The following CLTCL1 variants were observed in gnomAD, a reference collection of about 807,000 sequenced individuals.
CLTCL1 encodes clathrin heavy chain 2.
In CLTCL1, 159 loss-of-function variants were observed where a neutral mutation model predicts 190.0. The observed-to-expected ratio is 0.84, with a 90% CI of 0.74 to 0.95. The LOEUF (loss-of-function observed/expected upper bound fraction) is 0.95, where lower values mean the gene tolerates loss of function less well. Among genes scored for constraint, CLTCL1 ranks in the 40% least tolerant of loss-of-function variants. The pLI is 0.00. For missense variants in CLTCL1, 1,878 were observed against 2,033.4 expected (o/e 0.92, Z 1.47); for synonymous variants, 752 against 769.6 (o/e 0.98, Z 0.38).
At chr22:19,238,546 C>T in intron 5 of CLTCL1, 1 of 217,806 alleles carries the variant, frequency 4.6e-6, no homozygotes, top group East Asian at 1.1e-4. Context: ...GGAACCACCA[C>T]AGGCCCTGCT....
intron 5 of CLTCL1, among the ~76,000 whole-genome samples, chr22:19,236,887 G>A (rs1278363081): frequency 6.6e-6 from 1 of 152,102 alleles, no homozygotes; most frequent in Non-Finnish European, 1.5e-5. Flanking sequence ...GGAGATGGAG[G>A]TAAGAGTAAA....
chr22:19,256,850 G>A (rs993580285), intron 2 of CLTCL1, among the ~76,000 whole-genome samples: 2 of 151,974 alleles, frequency 1.3e-5, no homozygotes, highest in East Asian at 1.9e-4. Flanking sequence ...TAATGAATAT[G>A]GAAATGCAGA....
At chr22:19,200,468 G>A (rs2084847358) in intron 23 of CLTCL1, among the ~76,000 whole-genome samples, 1 of 152,110 alleles carries the variant, frequency 6.6e-6, no homozygotes, top group Admixed American at 6.6e-5. Flanking sequence ...TATATTCCTC[G>A]CATAATATTG....
intron 18 of CLTCL1, among the ~76,000 whole-genome samples, chr22:19,216,759 C>G (rs897547866): frequency 6.6e-6 from 1 of 152,236 alleles, no homozygotes; most frequent in African/African-American, 2.4e-5. Flanking sequence ...GCCACCCCTC[C>G]TCCAATTATA....
At chr22:19,276,479 C>T (rs1555983424) in intron 1 of CLTCL1, among the ~76,000 whole-genome samples, 1 of 152,090 alleles carries the variant, frequency 6.6e-6, no homozygotes, top group South Asian at 2.1e-4. Context: ...AAGCACCTTT[C>T]TCCAAAGGCC....
intron 29 of CLTCL1, among the ~76,000 whole-genome samples, chr22:19,185,977 G>A (rs539231073): frequency 2.0e-5 from 3 of 152,320 alleles, no homozygotes; most frequent in Admixed American, 2.0e-4. Flanking sequence ...GGGCACCTCA[G>A]GAAGGATCAC....
At chr22:19,241,407 A>C (rs929843314) in intron 4 of CLTCL1, among the ~76,000 whole-genome samples, 8 of 152,196 alleles carry the variant, frequency 5.3e-5, no homozygotes, top group Admixed American at 2.0e-4. Flanking sequence ...AACTAAAGTC[A>C]GTGTCCTTCA....
chr22:19,235,502 A>C (rs1274687062), intron 6 of CLTCL1, among the ~76,000 whole-genome samples, 194 bp downstream of exon 6: 1 of 152,208 alleles, frequency 6.6e-6, no homozygotes, highest in Non-Finnish European at 1.5e-5. Flanking sequence ...CTCCTCCTGG[A>C]ATCAATCCTG....
rs1194266137 is a variant in CLTCL1 at position 19,245,186 on chromosome 22, C to CTTT, written c.520-2253_520-2251dup. 5.3e-3 allele frequency among the ~76,000 whole-genome samples: 626 copies of CTTT among 118,806 alleles called. 16 individuals are homozygous for CTTT. The highest frequency in any genetic ancestry group is 0.012 in the African/African-American group (391 of 31,842). The allele number at this position is 118,806 out of a possible 152,430, so 77.9% of individuals were successfully genotyped here. ...GGCCCCATGTTCCCCTCTCCCCCTCCTTTTTTTTTTTTTTTTTTTTTTTGA... is the reference window on the plus strand; with the variant it reads ...GGCCCCATGTTCCCCTCTCCCCCTCCTTTTTTTTTTTTTTTTTTTTTTTTTTGA... On this transcript the variant is annotated intron_variant, in intron 3 of 32. Coordinates refer to ENST00000427926, the MANE Select transcript of CLTCL1 (RefSeq NM_007098.4).
intron 22 of CLTCL1, among the ~76,000 whole-genome samples, chr22:19,205,639 T>C (rs192181464): frequency 6.6e-6 from 1 of 152,330 alleles, no homozygotes; most frequent in East Asian, 1.9e-4. Context: ...TTGGGATAGA[T>C]TTTTACATCT....
intron 27 of CLTCL1, among the ~76,000 whole-genome samples, chr22:19,188,559 G>A (rs574228699): frequency 1.7e-4 from 26 of 152,104 alleles, no homozygotes; most frequent in Non-Finnish European, 3.5e-4. Flanking sequence ...GATGGCTGCT[G>A]ATTCATACAA....
intron 20 of CLTCL1, among the ~76,000 whole-genome samples, chr22:19,209,607 G>A (rs144373874): frequency 2.2e-3 from 330 of 152,302 alleles, no homozygotes; most frequent in Non-Finnish European, 3.9e-3. Flanking sequence ...TGATGAGCTG[G>A]TCTGTCTCAA....
chr22:19,262,581 G>A (rs151161767), intron 2 of CLTCL1, among the ~76,000 whole-genome samples: 2,245 of 150,406 alleles, frequency 0.015, 27 homozygotes, highest in Non-Finnish European at 0.022. Context: ...ACAGTGAGCC[G>A]AGATTGCACT....
At chr22:19,227,870 G>A (rs138740330) in intron 11 of CLTCL1, among the ~76,000 whole-genome samples, 203 of 152,244 alleles carry the variant, frequency 1.3e-3, no homozygotes, top group African/African-American at 4.2e-3. Context: ...GGTTATAGGC[G>A]CGAGCCACTG....
chr22:19,247,656 G>A (rs947917549), intron 3 of CLTCL1, among the ~76,000 whole-genome samples: 1 of 151,906 alleles, frequency 6.6e-6, no homozygotes, highest in South Asian at 2.1e-4. Context: ...TGCATCCTGG[G>A]TTCAGGCGAT....
At chr22:19,187,155 C>T (rs2084341263) in intron 29 of CLTCL1, among the ~76,000 whole-genome samples, 1 of 152,012 alleles carries the variant, frequency 6.6e-6, no homozygotes, top group Non-Finnish European at 1.5e-5. Context: ...AACTCCTGGG[C>T]TCAAGCACTC....
At chr22:19,283,292 T>C (rs2146359007) in intron 1 of CLTCL1, among the ~76,000 whole-genome samples, 1 of 152,210 alleles carries the variant, frequency 6.6e-6, no homozygotes, top group Non-Finnish European at 1.5e-5. Context: ...CTTTTTTTCT[T>C]TCTTTTGAGA....
Position 19,188,210 on chromosome 22 carries a change from G to A in CLTCL1, c.4324-119C>T, listed in dbSNP as rs1434967708. The A allele has an allele frequency of 4.7e-6, 4 of 843,542 alleles. 1 individual carries two copies. In the African/African-American group the frequency reaches 6.8e-5, roughly 14 times the overall value. 52.3% of individuals were successfully genotyped at this position (843,542 alleles called of 1,614,324 possible). A position where few individuals can be genotyped will look rare whatever the true frequency, so the allele number is the denominator to read the frequency against. ...TGAATGGTCCAGCTCTGGAGCCAAG[G>A]GCACCTTCTGGACACCTAGAACCAA... is the stretch of plus-strand genomic sequence containing the variant. On this transcript the variant is annotated intron_variant, in intron 27 of 32. Coordinates refer to ENST00000427926, the MANE Select transcript of CLTCL1 (RefSeq NM_007098.4).
chr22:19,237,325 A>T (rs2086111861), intron 5 of CLTCL1, among the ~76,000 whole-genome samples: 1 of 152,126 alleles, frequency 6.6e-6, no homozygotes, highest in South Asian at 2.1e-4. Flanking sequence ...TTAAAAAAAG[A>T]TCCCAATAGA....
Sources: gnomAD v4.1 joint callset for allele counts (sites outside exome capture counted in the v4.1 genomes callset) on GRCh38, gnomAD v4.1.1 for gene constraint, MANE v1.5 for transcripts, NCBI Gene and HGNC (gene_info 2026-07-23, HGNC 2026-07-21) for gene names.